Variants in NSDHL observed in about 807,000 individuals in gnomAD.
The protein encoded by NSDHL is sterol-4-alpha-carboxylate 3-dehydrogenase, decarboxylating.
Under a neutral mutation model 23.0 loss-of-function variants are expected in NSDHL, and 1 was observed. That is an observed-to-expected ratio of 0.04 (90% CI 0.02 to 0.21). The LOEUF (loss-of-function observed/expected upper bound fraction) is 0.21, where lower values mean the gene tolerates loss of function less well. Ranked by LOEUF, NSDHL falls within the 10% of genes least tolerant of loss-of-function variation. The pLI is 1.00. For synonymous variants in NSDHL, 128 were observed against 121.1 expected (o/e 1.06, Z -0.37); for missense variants, 237 against 300.9 (o/e 0.79, Z 1.57).
In NSDHL at chrX:152,862,718, G is replaced by A; in HGVS notation, c.537G>A (p.Gln179=). 8.3e-7 allele frequency: 1 copy of A among 1,209,305 alleles called. No homozygotes were observed. Among genetic ancestry groups the A allele is most frequent in the Non-Finnish European group, 1.1e-6 (1 of 893,223 alleles). ...ACTACACAGAGACTAAGATCTTACA[G>A]GAGAGGGTATGTACCTTGGAACTGG... ...IDYYTETKIL[Q]ERAVLGANDP... is the part of the protein sequence containing the mutation. The change falls in exon 5 of 8, where the codon CAG becomes CAA. Residue 179 remains glutamine (Q), a synonymous_variant. Transcript: ENST00000370274.
At chrX:152,837,059 G>C (rs1469089800) in intron 1 of NSDHL, among the ~76,000 whole-genome samples, 1 of 111,699 alleles carries the variant, frequency 9.0e-6, no homozygotes, top group African/African-American at 3.3e-5. Context: ...TATTATCTTT[G>C]AAGCAATTGT....
intron 2 of NSDHL, among the ~76,000 whole-genome samples, chrX:152,848,548 G>A (rs917110641): frequency 8.9e-5 from 10 of 112,729 alleles, no homozygotes; most frequent in African/African-American, 3.2e-4. Context: ...AATTAAAATC[G>A]TGAAATGAAA....
In NSDHL at chrX:152,834,745, A is replaced by C. The variant is rs140249524; in HGVS notation, c.-44+3628A>C. On this transcript the variant is annotated intron_variant, in intron 1 of 7. Transcript: ENST00000370274. Reference sequence around the variant, plus strand: ...GGCATGAGGTGATGGGAAATAGGGGAATCCTCTTTTATAATCCAAGGCTTA... The same window carrying C: ...GGCATGAGGTGATGGGAAATAGGGGCATCCTCTTTTATAATCCAAGGCTTA... 9.8e-3 allele frequency among the ~76,000 whole-genome samples: 1,108 copies of C among 112,676 alleles called. 12 individuals are homozygous for C. Among genetic ancestry groups the C allele is most frequent in the Non-Finnish European group, 0.014 (767 of 53,270 alleles).
intron 7 of NSDHL, among the ~76,000 whole-genome samples, chrX:152,868,283 A>C (rs1933642354): frequency 9.1e-6 from 1 of 110,069 alleles, no homozygotes; most frequent in African/African-American, 3.3e-5. Context: ...GACTACAGGC[A>C]CATGCCACCA....
chrX:152,834,359 CT>C (rs1933059592), intron 1 of NSDHL, among the ~76,000 whole-genome samples: 1 of 112,750 alleles, frequency 8.9e-6, no homozygotes, highest in Admixed American at 9.3e-5. Flanking sequence ...AAGCTGGCGA[CT>C]TTTTTTGTCC....
At chrX:152,860,496 C>T (rs914803897) in intron 4 of NSDHL, among the ~76,000 whole-genome samples, 1 of 111,260 alleles carries the variant, frequency 9.0e-6, no homozygotes, top group Non-Finnish European at 1.9e-5. Context: ...CAGGAAGATC[C>T]CTTGAGCCAA....
intron 3 of NSDHL, 22 bp downstream of exon 3, chrX:152,850,445 C>T (rs1245764808): frequency 8.3e-7 from 1 of 1,204,786 alleles, no homozygotes; most frequent in East Asian, 3.0e-5. Context: ...TGCAGCCTTG[C>T]TGATTTCCCA....
At chrX:152,864,564 T>A (rs1420202004) in intron 5 of NSDHL, among the ~76,000 whole-genome samples, 1 of 112,085 alleles carries the variant, frequency 8.9e-6, no homozygotes, top group East Asian at 2.8e-4. Flanking sequence ...GGTTCTCAAC[T>A]GGAAATAAGC....
At chrX:152,852,659 C>A (rs782347908) in intron 3 of NSDHL, among the ~76,000 whole-genome samples, 1 of 111,280 alleles carries the variant, frequency 9.0e-6, no homozygotes, top group African/African-American at 3.3e-5. Context: ...GGCCCTCAAG[C>A]AGACCCTTGG....
At position 152,868,774 on chromosome X, in the gene NSDHL, C is replaced by T. The variant is rs781786196; in HGVS notation, c.790-10C>T. On this transcript the variant is annotated splice_polypyrimidine_tract_variant and intron_variant, in intron 7 of 7. Coordinates refer to ENST00000370274, the MANE Select transcript of NSDHL (RefSeq NM_015922.3). The stretch of plus-strand genomic sequence containing the variant: ...GTGTTTCTAACTTCTTGTTCTTGTT[C>T]TCCCGCCAGGCATTTCACATCACCA... 1.7e-6 allele frequency: 2 copies of T among 1,203,628 alleles called. No homozygotes were observed. Among genetic ancestry groups the T allele is most frequent in the African/African-American group, 1.7e-5 (1 of 57,707 alleles).
At chrX:152,833,149 T>C (rs1471527398) in intron 1 of NSDHL, among the ~76,000 whole-genome samples, 16 of 109,805 alleles carry the variant, frequency 1.5e-4, no homozygotes, top group African/African-American at 5.4e-4. Flanking sequence ...CAGTATGTAA[T>C]ACATGTAATG....
chrX:152,862,874 G>A (rs1556847673), intron 5 of NSDHL, 150 bp downstream of exon 5: 3 of 600,795 alleles, frequency 5.0e-6, no homozygotes, highest in Admixed American at 5.4e-5. Flanking sequence ...TAAAAATACT[G>A]TGAGAGGCCG....
intron 3 of NSDHL, among the ~76,000 whole-genome samples, chrX:152,852,539 G>GAT (rs1556846436): frequency 9.1e-6 from 1 of 110,200 alleles, no homozygotes. Flanking sequence ...CTGTTTAATG[G>GAT]AGTCACCGGG....
chrX:152,833,706 A>G (rs1377936288), intron 1 of NSDHL, among the ~76,000 whole-genome samples: 1 of 111,714 alleles, frequency 9.0e-6, no homozygotes, highest in East Asian at 2.8e-4. Flanking sequence ...GGGATCTCCT[A>G]GTTGGGGCAG....
intron 2 of NSDHL, among the ~76,000 whole-genome samples, chrX:152,847,028 G>A (rs1246439217): frequency 1.8e-5 from 2 of 112,233 alleles, no homozygotes; most frequent in African/African-American, 3.2e-5. Context: ...GGCTGGGCAC[G>A]GTGTCTCACA....
Position 152,868,939 on chromosome X carries a change from T to C in NSDHL, c.945T>C (p.Ser315=). 8.3e-7 allele frequency: 1 copy of C among 1,211,986 alleles called. No homozygotes were observed. The highest frequency in any genetic ancestry group is 1.1e-6 in the Non-Finnish European group (1 of 895,569). The part of the protein sequence containing the change: ...LLLSLLVMVI[S]PVIQLQPTFT... The stretch of plus-strand genomic sequence containing the variant: ...TATCCCTGCTGGTGATGGTGATCAG[T>C]CCTGTCATCCAGCTGCAGCCCACCT... The change falls in exon 8 of 8, where the codon AGT becomes AGC. Residue 315 remains serine, a synonymous_variant. Transcript: ENST00000370274.
chrX:152,851,822 T>C (rs1434649135), intron 3 of NSDHL, among the ~76,000 whole-genome samples: 3 of 111,296 alleles, frequency 2.7e-5, no homozygotes, highest in African/African-American at 6.6e-5. Flanking sequence ...GGCATTATTA[T>C]TGGTGAATTC....
At chrX:152,841,337 G>A (rs1466139857) in intron 1 of NSDHL, among the ~76,000 whole-genome samples, 1 of 112,677 alleles carries the variant, frequency 8.9e-6, no homozygotes, top group Non-Finnish European at 1.9e-5. Flanking sequence ...GTCCCAACGA[G>A]GTGAACCAGG....
chrX:152,850,453 C>T, intron 3 of NSDHL, 30 bp downstream of exon 3: 1 of 1,191,915 alleles, frequency 8.4e-7, no homozygotes, highest in Non-Finnish European at 1.1e-6. Context: ...TGCTGATTTC[C>T]CACGAGCCCA....
Sources: gnomAD v4.1 joint callset for allele counts (sites outside exome capture counted in the v4.1 genomes callset) on GRCh38, gnomAD v4.1.1 for gene constraint, MANE v1.5 for transcripts, NCBI Gene and HGNC (gene_info 2026-07-23, HGNC 2026-07-21) for gene names.